OR2L13: variants seen among roughly 807,000 people sequenced by gnomAD.
The protein encoded by OR2L13 is olfactory receptor family 2 subfamily L member 13, also known as olfactory receptor 2L13.
OR2L13 carries 14 observed loss-of-function variants against 15.3 expected under a neutral mutation model. The ratio of observed to expected loss-of-function variants is 0.91; its 90% CI spans 0.60 to 1.43. The LOEUF is 1.43. OR2L13 is among the 40% of genes most tolerant of loss of function. OR2L13 has a pLI of 0.00. For synonymous variants in OR2L13, 152 were observed against 142.9 expected (o/e 1.06, Z -0.45); for missense variants, 367 against 387.9 (o/e 0.95, Z 0.45).
the OR2L13 span, among the ~76,000 whole-genome samples, chr1:247,941,425 A>T: frequency 1.6e-4 from 24 of 152,188 alleles, no homozygotes; most frequent in Non-Finnish European, 3.2e-4. Context: ...AGACTTTCTG[A>T]TGAACTAGCA....
the OR2L13 span, among the ~76,000 whole-genome samples, chr1:248,052,904 T>A: frequency 6.6e-6 from 1 of 152,112 alleles, no homozygotes; most frequent in Admixed American, 6.5e-5. Flanking sequence ...ATTCTACTAA[T>A]TTTTTTGGCT....
At chr1:248,075,623 A>G in the OR2L13 span, among the ~76,000 whole-genome samples, 40 of 151,958 alleles carry the variant, frequency 2.6e-4, no homozygotes, top group Non-Finnish European at 4.3e-4. Flanking sequence ...GCATTTTTTC[A>G]TTTGTCTTTT....
At chr1:248,099,463 A>G (rs1363353778) in exon 3 of OR2L13, 1 of 1,611,354 alleles carries the variant, frequency 6.2e-7, no homozygotes, top group African/African-American at 1.3e-5. Flanking sequence ...CTTGTGCCTT[A>G]TCATCCTCAT....
the OR2L13 span, chr1:247,939,273 T>C: frequency 6.6e-6 from 1 of 152,206 alleles, no homozygotes; most frequent in Non-Finnish European, 1.5e-5. Flanking sequence ...GAGGAGTTAA[T>C]GTAAGCAGCA....
the OR2L13 span, among the ~76,000 whole-genome samples, chr1:248,028,939 C>T: frequency 4.6e-5 from 7 of 152,176 alleles, no homozygotes; most frequent in African/African-American, 1.4e-4. Context: ...AGACATGGCG[C>T]ATACTATTAT....
At chr1:248,022,049 CCTAATGGCT>C in the OR2L13 span, 38 of 1,613,916 alleles carry the variant, frequency 2.4e-5, no homozygotes, top group Middle Eastern at 3.3e-4. Context: ...TTCTCATTTT[CCTAATGGCT>C]CTAATTGGAA....
At chr1:248,061,619 A>G in the OR2L13 span, 10 of 1,609,464 alleles carry the variant, frequency 6.2e-6, no homozygotes, top group East Asian at 8.9e-5. Context: ...GGGAAAATGT[A>G]GAAACATTTT....
the OR2L13 span, among the ~76,000 whole-genome samples, chr1:247,987,577 G>T: frequency 2.0e-5 from 3 of 152,170 alleles, no homozygotes; most frequent in East Asian, 5.8e-4. Flanking sequence ...TCCACAGTCC[G>T]CAGGCTAAAA....
chr1:248,068,151 C>T, the OR2L13 span, among the ~76,000 whole-genome samples: 1 of 152,148 alleles, frequency 6.6e-6, no homozygotes, highest in African/African-American at 2.4e-5. Context: ...CAGTGGTTCT[C>T]CCAGCACGCA....
chr1:248,007,062 A>G, the OR2L13 span, among the ~76,000 whole-genome samples: 1 of 152,128 alleles, frequency 6.6e-6, no homozygotes, highest in South Asian at 2.1e-4. Flanking sequence ...CTCAGTTCAG[A>G]CCCTTTACCC....
chr1:248,069,848 T>C, the OR2L13 span, among the ~76,000 whole-genome samples: 1 of 152,070 alleles, frequency 6.6e-6, no homozygotes, highest in Non-Finnish European at 1.5e-5. Context: ...AAACAGACTT[T>C]AAACCAACAA....
At chr1:248,096,205 G>C (rs1023340179), upstream of OR2L13, among the ~76,000 whole-genome samples, 15 of 151,426 alleles carry the variant, frequency 9.9e-5, no homozygotes, top group Non-Finnish European at 1.2e-4. Flanking sequence ...AGTGAAACCC[G>C]GTCTCTACTG....
At chr1:247,985,820 T>C in the OR2L13 span, among the ~76,000 whole-genome samples, 1 of 152,154 alleles carries the variant, frequency 6.6e-6, no homozygotes, top group Non-Finnish European at 1.5e-5. Flanking sequence ...TGTGAGATGG[T>C]ATCCCATTGT....
chr1:247,990,957 A>C, the OR2L13 span: 18 of 1,475,738 alleles, frequency 1.2e-5, no homozygotes, highest in Non-Finnish European at 1.7e-5. Context: ...TGCACTCTGC[A>C]GAAGGGAGGA....
the OR2L13 span, among the ~76,000 whole-genome samples, chr1:248,066,956 A>G: frequency 5.9e-5 from 9 of 152,232 alleles, no homozygotes; most frequent in Non-Finnish European, 1.3e-4. Flanking sequence ...TTAAAAGTAA[A>G]TGATCACAAG....
chr1:248,078,303 A>G, the OR2L13 span, among the ~76,000 whole-genome samples: 2 of 152,074 alleles, frequency 1.3e-5, no homozygotes, highest in African/African-American at 4.8e-5. Flanking sequence ...CAATATGATG[A>G]AACCCCGTGT....
the OR2L13 span, among the ~76,000 whole-genome samples, chr1:248,007,869 T>G: frequency 2.8e-4 from 43 of 152,308 alleles, 1 homozygote; most frequent in East Asian, 5.0e-3. Flanking sequence ...CTCTTTCTAT[T>G]TTGAAGGATG....
chr1:248,034,181 C>T, the OR2L13 span, among the ~76,000 whole-genome samples: 68 of 152,234 alleles, frequency 4.5e-4, 1 homozygote, highest in Admixed American at 3.3e-3. Flanking sequence ...TATGGAAACA[C>T]GTACCATGCT....
the OR2L13 span, chr1:247,990,986 G>A: frequency 2.6e-6 from 4 of 1,511,828 alleles, no homozygotes; most frequent in South Asian, 3.4e-5. Context: ...TATTCGACCT[G>A]CAGCACCCAC....
Sources: allele counts gnomAD v4.1 joint callset (sites outside exome capture counted in the v4.1 genomes callset), GRCh38; gene constraint gnomAD v4.1.1; transcripts MANE v1.5; gene names NCBI Gene and HGNC (gene_info 2026-07-23, HGNC 2026-07-21).